Variants in ELN observed in about 807,000 individuals in gnomAD.
ELN encodes the protein elastin.
In ELN, 65 loss-of-function variants were observed where a neutral mutation model predicts 105.8. That is an observed-to-expected ratio of 0.61 (90% confidence interval 0.50 to 0.75). ELN has a LOEUF of 0.75. Ranked by LOEUF, ELN falls within the 30% of genes least tolerant of loss-of-function variation. The pLI is 0.00. For synonymous variants in ELN, 368 were observed against 389.2 expected (o/e 0.95, Z 0.64); for missense variants, 882 against 969.4 (o/e 0.91, Z 1.20).
chr7:74,042,882 A>G (rs1013452419), intron 6 of ELN, 102 bp from the exon 7 acceptor site: 1 of 1,596,926 alleles, frequency 6.3e-7, no homozygotes. Context: ...GTGAGTTAGT[A>G]ACGGGGCCAG....
At chr7:74,068,321 T>C (rs1441766585) in intron 32 of ELN, among the ~76,000 whole-genome samples, 2 of 152,206 alleles carry the variant, frequency 1.3e-5, no homozygotes, top group African/African-American at 4.8e-5. Context: ...CCCATGTTCC[T>C]TGATGGAGCT....
intron 15 of ELN, 72 bp from the exon 16 acceptor site, chr7:74,051,678 T>C: frequency 6.4e-7 from 1 of 1,572,202 alleles, no homozygotes. Context: ...AACGCCGGCG[T>C]CTAAGTGGCC....
chr7:74,056,175 A>C, intron 19 of ELN, 96 bp from the exon 20 acceptor site: 1 of 1,538,010 alleles, frequency 6.5e-7, no homozygotes. Context: ...CCTGGGGGAA[A>C]TTTACATCCT....
chr7:74,033,528 C>G (rs1319063193), intron 1 of ELN, among the ~76,000 whole-genome samples: 1 of 152,328 alleles, frequency 6.6e-6, no homozygotes, highest in East Asian at 1.9e-4. Flanking sequence ...CCACTCCGAG[C>G]CTTGAGGTTC....
intron 15 of ELN, among the ~76,000 whole-genome samples, chr7:74,050,034 T>C (rs1180670403): frequency 6.6e-5 from 8 of 121,816 alleles, no homozygotes; most frequent in African/African-American, 1.9e-4. Flanking sequence ...CCCATCCATT[T>C]CTCCATGCAT....
chr7:74,062,879 G>C (rs1796999902), intron 26 of ELN, among the ~76,000 whole-genome samples: 1 of 152,122 alleles, frequency 6.6e-6, no homozygotes, highest in Admixed American at 6.6e-5. Flanking sequence ...GCCAGGCACA[G>C]TGGTTCACAC....
intron 1 of ELN, among the ~76,000 whole-genome samples, 189 bp from the exon 2 acceptor site, chr7:74,035,175 A>G (rs369735338): frequency 7.7e-4 from 117 of 152,380 alleles, no homozygotes; most frequent in African/African-American, 2.7e-3. Flanking sequence ...AAGAGCAAGA[A>G]TGAGAACACA....
At chr7:74,053,103 A>C in intron 17 of ELN, 60 bp from the exon 18 acceptor site, 1 of 1,612,956 alleles carries the variant, frequency 6.2e-7, no homozygotes, top group South Asian at 1.1e-5. Context: ...TCTACTAACC[A>C]CCCTTCTAGC....
chr7:74,035,529 C>T (rs1789726681), intron 2 of ELN, 115 bp downstream of exon 2: 1 of 1,257,252 alleles, frequency 8.0e-7, no homozygotes, highest in Non-Finnish European at 1.2e-6. Context: ...TACCAGAAGT[C>T]ACACCCACTT....
intron 14 of ELN, 32 bp from the exon 15 acceptor site, chr7:74,048,471 C>A (rs756706720): frequency 3.7e-6 from 6 of 1,614,010 alleles, no homozygotes; most frequent in Non-Finnish European, 4.2e-6. Flanking sequence ...AGCACTGTTT[C>A]AAGGTCTCTC....
Position 74,069,720 on chromosome 7 carries a change from T to G in ELN, c.*1020T>G, listed in dbSNP as rs1798667643. ...TTGATTGTTGATATTCTCTTTTGGT[T>G]TTATTGTTGTGGTTCATTGAAAAAA... On this transcript the variant is annotated 3_prime_UTR_variant, in exon 33 of 33. Transcript: ENST00000252034. The G allele has an allele frequency of 4.3e-6, 1 of 231,384 alleles. No homozygotes were observed. Among genetic ancestry groups the G allele is most frequent in the Non-Finnish European group, 8.6e-6 (1 of 116,850 alleles). The allele number at this position is 231,384 out of a possible 1,614,324, so 14.3% of individuals were successfully genotyped here.
At chr7:74,042,265 C>A (rs1240163239) in intron 5 of ELN, among the ~76,000 whole-genome samples, 11 of 144,584 alleles carry the variant, frequency 7.6e-5, no homozygotes, top group East Asian at 2.1e-4. Flanking sequence ...ACAAAAAATA[C>A]AAAAAAAAAA....
chr7:74,031,445 T>A (rs1788630638), intron 1 of ELN, among the ~76,000 whole-genome samples: 2 of 152,200 alleles, frequency 1.3e-5, no homozygotes, highest in Admixed American at 1.3e-4. Flanking sequence ...TGCTAAGGTT[T>A]AATACTCCCT....
At chr7:74,055,974 A>G (rs1795141636) in intron 19 of ELN, among the ~76,000 whole-genome samples, 1 of 151,362 alleles carries the variant, frequency 6.6e-6, no homozygotes, top group Non-Finnish European at 1.5e-5. Context: ...TTTAGTAGAG[A>G]TGGGGTTTCA....
At position 74,063,589 on chromosome 7, in the gene ELN, C is replaced by G; in HGVS notation, c.1919-32C>G. 6.2e-7 allele frequency: 1 copy of G among 1,614,126 alleles called. No individual in the cohort carries two copies. Among genetic ancestry groups the G allele is most frequent in the South Asian group, 1.1e-5 (1 of 91,084 alleles). ...GAGGCTTCAGTCCCACCTTTCTGAC[C>G]AGCGGAGTCTAATGCTCAGCTGTCT... is the stretch of plus-strand genomic sequence containing the variant. On this transcript the variant is annotated intron_variant, in intron 28 of 32. Transcript: ENST00000252034. This position sits in a 1 kb window ranked among gnomAD's most constrained non-coding sequence, Gnocchi z 4.1.
intron 1 of ELN, among the ~76,000 whole-genome samples, chr7:74,032,402 A>C (rs1554662913): frequency 8.2e-6 from 1 of 121,224 alleles, no homozygotes; most frequent in Non-Finnish European, 1.7e-5. Flanking sequence ...GCTTGTGCCA[A>C]GGAGTGGAGG....
chr7:74,044,943 C>T (rs1554671107), intron 9 of ELN, among the ~76,000 whole-genome samples: 2 of 152,312 alleles, frequency 1.3e-5, no homozygotes, highest in East Asian at 3.9e-4. Context: ...GTGGTCGAGA[C>T]GGCTTTTGTG....
chr7:74,059,861 T>A, intron 22 of ELN, 25 bp from the exon 23 acceptor site: 3 of 1,024,886 alleles, frequency 2.9e-6, no homozygotes, highest in Non-Finnish European at 4.7e-6. Context: ...TCTTGGTTAA[T>A]GATCAGCTCT....
intron 1 of ELN, among the ~76,000 whole-genome samples, chr7:74,030,136 AG>A: frequency 6.6e-6 from 1 of 152,342 alleles, no homozygotes; most frequent in South Asian, 2.1e-4. Flanking sequence ...GGTCCAAATA[AG>A]GGGTGTGTGA....
Sources: allele counts gnomAD v4.1 joint callset (sites outside exome capture counted in the v4.1 genomes callset), GRCh38; gene constraint gnomAD v4.1.1; non-coding constraint Gnocchi (gnomAD v3.1); transcripts MANE v1.5; gene names NCBI Gene and HGNC (gene_info 2026-07-23, HGNC 2026-07-21).